CSNK1A1: variants seen among roughly 807,000 people sequenced by gnomAD.
CSNK1A1 encodes the protein casein kinase I isoform alpha.
In CSNK1A1, 7 loss-of-function variants were observed where a neutral mutation model predicts 46.1. The observed-to-expected ratio is 0.15, with a 90% confidence interval of 0.09 to 0.29. The LOEUF (loss-of-function observed/expected upper bound fraction) is 0.29. Among genes scored for constraint, CSNK1A1 ranks in the 10% least tolerant of loss-of-function variants. The pLI is 1.00. For missense variants in CSNK1A1, 96 were observed against 417.1 expected (o/e 0.23, Z 6.71); for synonymous variants, 137 against 141.5 (o/e 0.97, Z 0.23).
chr5:149,531,333 G>A (rs573550636), intron 2 of CSNK1A1, among the ~76,000 whole-genome samples: 2 of 151,922 alleles, frequency 1.3e-5, no homozygotes, highest in African/African-American at 2.4e-5. Context: ...TCGGCAATTC[G>A]AGACCAGCCT....
At chr5:149,534,063 G>A (rs923620490) in intron 2 of CSNK1A1, among the ~76,000 whole-genome samples, 2 of 152,086 alleles carry the variant, frequency 1.3e-5, no homozygotes, top group Admixed American at 6.6e-5. Flanking sequence ...AGCTTAAATA[G>A]GTTAACCTTT....
chr5:149,499,901 A>G (rs536019255), intron 9 of CSNK1A1, among the ~76,000 whole-genome samples: 2 of 151,584 alleles, frequency 1.3e-5, no homozygotes, highest in East Asian at 3.9e-4. Context: ...TGAATATATT[A>G]ATTATGCTAT....
In CSNK1A1 at chr5:149,513,249, T is replaced by C. The variant is rs1561756823; in HGVS notation, c.457-40A>G. On this transcript the variant is annotated intron_variant, in intron 4 of 9. Transcript: ENST00000377843. ...TACAGAAACATTAGGTTTCCAACCT[T>C]GTTCAATTAAACTGCGTCTTATTCA... 2.5e-6 allele frequency: 4 copies of C among 1,575,404 alleles called. No individual in the cohort carries two copies. In the East Asian group the frequency reaches 6.8e-5, roughly 27 times the overall value.
intron 2 of CSNK1A1, among the ~76,000 whole-genome samples, chr5:149,526,490 G>C (rs1232495494): frequency 6.6e-6 from 1 of 152,124 alleles, no homozygotes; most frequent in Non-Finnish European, 1.5e-5. Flanking sequence ...ACTAAAATCT[G>C]TGTCAAAATT....
At chr5:149,520,067 T>C (rs920929876) in intron 4 of CSNK1A1, among the ~76,000 whole-genome samples, 13 of 152,232 alleles carry the variant, frequency 8.5e-5, no homozygotes, top group African/African-American at 2.9e-4. Context: ...ATTTTATATT[T>C]CCATATAGGT....
intron 9 of CSNK1A1, chr5:149,502,520 T>TGGGGGGGGGGGGGGG (rs61707983): frequency 4.6e-5 from 1 of 21,892 alleles, no homozygotes; most frequent in African/African-American, 3.0e-4. Flanking sequence ...TTTTTTTTTT[T>TGGGGGGGGGGGGGGG]GGGGGGGGGG....
At chr5:149,521,720 G>C (rs1761577335) in intron 3 of CSNK1A1, among the ~76,000 whole-genome samples, 1 of 151,640 alleles carries the variant, frequency 6.6e-6, no homozygotes, top group African/African-American at 2.4e-5. Context: ...GGGTTCAAGC[G>C]ATTCTCTTGC....
At position 149,517,750 on chromosome 5, in the gene CSNK1A1, A is replaced by G; in HGVS notation, c.456+2540T>C. On this transcript the variant is annotated intron_variant, in intron 4 of 9. Coordinates refer to ENST00000377843, the MANE Select transcript of CSNK1A1 (RefSeq NM_001892.6). The surrounding 1 kb of genome is among the most constrained non-coding windows in gnomAD (Gnocchi z 4.4). ...AAATAAAACAATAAAAAAGAAAAGC[A>G]CATGAATTTGGGATTGAGGTTGGAA... is the stretch of plus-strand genomic sequence containing the variant. The G allele has an allele frequency of 8.5e-7, 1 of 1,180,430 alleles. No individual in the cohort carries two copies. Among genetic ancestry groups the G allele is most frequent in the Non-Finnish European group, 1.2e-6 (1 of 810,332 alleles). 73.1% of individuals were successfully genotyped at this position (1,180,430 alleles called of 1,614,324 possible). A position where few individuals can be genotyped will look rare whatever the true frequency, so the allele number is the denominator to read the frequency against.
At chr5:149,497,625 T>C (rs1760694257) in intron 9 of CSNK1A1, 2 of 985,154 alleles carry the variant, frequency 2.0e-6, no homozygotes, top group African/African-American at 1.7e-5. Flanking sequence ...AGGGAGAAAA[T>C]ATGCCTGTCC....
At chr5:149,510,153 G>T (rs1011533950) in intron 6 of CSNK1A1, among the ~76,000 whole-genome samples, 200 bp from the exon 7 acceptor site, 2 of 152,152 alleles carry the variant, frequency 1.3e-5, no homozygotes, top group South Asian at 4.1e-4. Flanking sequence ...TCTTCTCTAA[G>T]AATTTAATTT....
At chr5:149,545,258 C>CT (rs200907897) in intron 2 of CSNK1A1, 219 of 223,180 alleles carry the variant, frequency 9.8e-4, no homozygotes, top group Middle Eastern at 1.6e-3. Context: ...AATTTTCTTT[C>CT]TTTTTTTTTC....
At chr5:149,496,970 A>G (rs1760673146) in intron 9 of CSNK1A1, 110 bp from the exon 10 acceptor site, 2 of 1,475,644 alleles carry the variant, frequency 1.4e-6, no homozygotes, top group African/African-American at 1.4e-5. Flanking sequence ...ATAGTGGCTC[A>G]TGTTATTTCG....
At chr5:149,518,513 A>C (rs1761463957) in intron 4 of CSNK1A1, among the ~76,000 whole-genome samples, 1 of 152,210 alleles carries the variant, frequency 6.6e-6, no homozygotes, top group Non-Finnish European at 1.5e-5. Context: ...GGCATTTTTC[A>C]AACTACAATA....
Position 149,550,734 on chromosome 5 carries a change from C to T in CSNK1A1, c.123+108G>A. The T allele has an allele frequency of 2.0e-6, 3 of 1,482,842 alleles. No individual in the cohort carries two copies. The highest frequency in any genetic ancestry group is 1.8e-6 in the Non-Finnish European group (2 of 1,089,666). The allele number at this position is 1,482,842 out of a possible 1,614,324, so 91.9% of individuals were successfully genotyped here. On this transcript the variant is annotated intron_variant, in intron 1 of 9. Coordinates refer to ENST00000377843, the MANE Select transcript of CSNK1A1 (RefSeq NM_001892.6). The surrounding 1 kb of genome is among the most constrained non-coding windows in gnomAD (Gnocchi z 4.3). ...AAAACTAGCTCCCTGGACTCCCTGG[C>T]GAGTGCGTGCGATGAGGAGAGGCCC...
At chr5:149,542,211 T>A (rs954547295) in intron 2 of CSNK1A1, among the ~76,000 whole-genome samples, 1 of 151,872 alleles carries the variant, frequency 6.6e-6, no homozygotes, top group African/African-American at 2.4e-5. Flanking sequence ...GGGATCTAGG[T>A]TGTGCATTCC....
At chr5:149,516,000 A>T (rs924537982) in intron 4 of CSNK1A1, among the ~76,000 whole-genome samples, 2 of 152,180 alleles carry the variant, frequency 1.3e-5, no homozygotes, top group African/African-American at 4.8e-5. Flanking sequence ...TATTCTTCAA[A>T]GGCACAGGGA....
chr5:149,497,055 G>T (rs1760675583), intron 9 of CSNK1A1, 195 bp from the exon 10 acceptor site: 3 of 1,407,082 alleles, frequency 2.1e-6, no homozygotes, highest in Admixed American at 3.2e-5. Context: ...AATTTTTTCT[G>T]TTTTGAATGA....
intron 9 of CSNK1A1, chr5:149,501,256 G>A (rs1318117663): frequency 1.0e-6 from 1 of 985,020 alleles, no homozygotes; most frequent in East Asian, 1.1e-4. Flanking sequence ...CAGCTTTACT[G>A]TCCACAGTAA....
intron 2 of CSNK1A1, chr5:149,549,623 A>G: frequency 1.5e-6 from 1 of 663,360 alleles, no homozygotes; most frequent in South Asian, 1.5e-5. Context: ...GGAGGAAGAC[A>G]TGTTGGAACA....
Sources: allele counts gnomAD v4.1 joint callset (sites outside exome capture counted in the v4.1 genomes callset), GRCh38; gene constraint gnomAD v4.1.1; non-coding constraint Gnocchi (gnomAD v3.1); transcripts MANE v1.5; gene names NCBI Gene and HGNC (gene_info 2026-07-23, HGNC 2026-07-21).